LPIN1: variants seen among roughly 807,000 people sequenced by gnomAD.
LPIN1 encodes the protein lipin 1.
LPIN1 carries 71 observed loss-of-function variants against 107.5 expected under a neutral mutation model. That is an observed-to-expected ratio of 0.66 (90% CI 0.55 to 0.80). The LOEUF (loss-of-function observed/expected upper bound fraction) is 0.80, where lower values mean the gene tolerates loss of function less well. Among genes scored for constraint, LPIN1 ranks in the 30% least tolerant of loss-of-function variants. LPIN1 has a pLI of 0.00. For synonymous variants in LPIN1, 445 were observed against 452.6 expected (o/e 0.98, Z 0.21); for missense variants, 1,043 against 1,160.6 (o/e 0.90, Z 1.47).
At chr2:11,750,604 A>C (rs1249474129) in intron 1 of LPIN1, among the ~76,000 whole-genome samples, 1 of 152,224 alleles carries the variant, frequency 6.6e-6, no homozygotes, top group African/African-American at 2.4e-5. Flanking sequence ...TGTGCTTTGA[A>C]AAGTACTTTA....
chr2:11,713,380 C>T (rs1369614771), intron 1 of LPIN1, among the ~76,000 whole-genome samples: 2 of 152,204 alleles, frequency 1.3e-5, no homozygotes, highest in Non-Finnish European at 2.9e-5. Context: ...AAGTGATTCT[C>T]CTGCCTCAGC....
At position 11,707,434 on chromosome 2, in the gene LPIN1, C is replaced by T. The variant is rs1663180252; in HGVS notation, c.82-6322C>T. On this transcript the variant is annotated intron_variant, in intron 1 of 21. Coordinates refer to the LPIN1 transcript ENST00000449576. This position sits in a 1 kb window ranked among gnomAD's most constrained non-coding sequence, Gnocchi z 4.2. ...TGAGTCCGGAACCGTGGCCAGACCC[C>T]CTGAGGCCACTGTAGGGCCCTGGAA... Among the ~76,000 whole-genome samples, 1 of 152,192 alleles carries T rather than the reference C, an allele frequency of 6.6e-6. No homozygotes were observed. The highest frequency in any genetic ancestry group is 1.5e-5 in the Non-Finnish European group (1 of 68,028).
chr2:11,747,616 G>A (rs1219639064), intron 1 of LPIN1, among the ~76,000 whole-genome samples: 2 of 152,194 alleles, frequency 1.3e-5, no homozygotes, highest in Non-Finnish European at 2.9e-5. Flanking sequence ...TGGTGGTCTA[G>A]GGGTAGTGAT....
chr2:11,706,815 C>T (rs775079809), intron 1 of LPIN1, among the ~76,000 whole-genome samples: 16 of 152,268 alleles, frequency 1.1e-4, no homozygotes, highest in South Asian at 8.3e-4. Flanking sequence ...TCTGGGGGCT[C>T]ATTAACTAAA....
chr2:11,754,075 C>T (rs911382659), intron 1 of LPIN1, among the ~76,000 whole-genome samples: 2 of 152,186 alleles, frequency 1.3e-5, no homozygotes, highest in African/African-American at 4.8e-5. Flanking sequence ...TCAAGCCCAG[C>T]TGGGGAGCCG....
At chr2:11,721,337 G>A (rs762633397), upstream of LPIN1, among the ~76,000 whole-genome samples, 3 of 150,626 alleles carry the variant, frequency 2.0e-5, no homozygotes, top group Non-Finnish European at 4.4e-5. Context: ...GATGATCTGT[G>A]CCTGTGAAGT....
intron 20 of LPIN1, chr2:11,823,083 C>G (rs1681825836): frequency 1.3e-5 from 2 of 152,250 alleles, no homozygotes; most frequent in Non-Finnish European, 2.9e-5. Flanking sequence ...GCTTGTCATT[C>G]AGAACTGGGA....
At chr2:11,805,243 C>A in intron 17 of LPIN1, 87 bp downstream of exon 17, 2 of 1,075,778 alleles carry the variant, frequency 1.9e-6, no homozygotes, top group Non-Finnish European at 2.9e-6. Context: ...TGTCCCAGCA[C>A]GGGGTGACTT....
Position 11,785,021 on chromosome 2 carries a change from T to C in LPIN1, c.1494T>C (p.Pro498=). 6.2e-7 allele frequency: 1 copy of C among 1,608,920 alleles called. No individual in the cohort carries two copies. The part of the protein sequence containing the change: ...ESTSDGLRDL[P]SIAISLCGGL... ...CCTCGGACGGGCTGAGGGACCTCCC[T>C]TCCATCGCCATCTCCCTCTGCGGGG... is the stretch of plus-strand genomic sequence containing the variant. The change falls in exon 10 of 21, where the codon CCT becomes CCC. Residue 498 remains proline (P), a synonymous_variant. Transcript: ENST00000674199.
intron 1 of LPIN1, among the ~76,000 whole-genome samples, chr2:11,709,588 C>T (rs981860369): frequency 6.6e-6 from 1 of 152,210 alleles, no homozygotes; most frequent in African/African-American, 2.4e-5. Context: ...GAGTTATATG[C>T]TGCCATTGTT....
chr2:11,820,466 A>G lies in LPIN1; in HGVS notation c.2573A>G (p.Asn858Ser). The G allele has an allele frequency of 1.2e-6, 2 of 1,613,864 alleles. No homozygotes were observed. The highest frequency in any genetic ancestry group is 1.7e-6 in the Non-Finnish European group (2 of 1,179,724). ...GVSLNRIFTV[N>S]PKGELVQEHA... ...TCTTTGAATAGAATATTTACCGTCA[A>G]CCCTAAAGGAGAGCTGGTACAGGAA... Residue 858 changes from asparagine (N) to serine (S), a missense_variant, in exon 20 of 21, where the codon AAC (asparagine) becomes AGC (serine). Physicochemically the swap from Asn to Ser is conservative, Grantham distance 46. Coordinates refer to ENST00000674199, the MANE Select transcript of LPIN1 (RefSeq NM_001349206.2).
At chr2:11,789,761 G>A (rs934536188) in intron 12 of LPIN1, among the ~76,000 whole-genome samples, 4 of 144,808 alleles carry the variant, frequency 2.8e-5, no homozygotes, top group Admixed American at 6.9e-5. Flanking sequence ...TTACAAATCC[G>A]TAAGAAAAAA....
chr2:11,742,318 T>C (rs920609058), upstream of LPIN1, among the ~76,000 whole-genome samples: 57 of 152,188 alleles, frequency 3.7e-4, no homozygotes, highest in African/African-American at 1.4e-3. Flanking sequence ...GACCCATTGT[T>C]TGCCTCTCTG....
intron 1 of LPIN1, among the ~76,000 whole-genome samples, chr2:11,699,535 C>T (rs116420413): frequency 0.03 from 4,607 of 152,170 alleles, 114 homozygotes; most frequent in Middle Eastern, 0.099. Context: ...GAGCACCTTT[C>T]CTTCTCGGTA....
Position 11,762,436 on chromosome 2 carries a change from G to A in LPIN1, c.-9-3097G>A, listed in dbSNP as rs1669993349. On this transcript the variant is annotated intron_variant, in intron 1 of 20. Transcript: ENST00000674199. Reference sequence around the variant, plus strand: ...TCTCCCTCCCTGGAGGTTGGGGGTGGGGTGGTGGGTGGGTGGGGAGTGGCT... The same window carrying A: ...TCTCCCTCCCTGGAGGTTGGGGGTGAGGTGGTGGGTGGGTGGGGAGTGGCT... Among the ~76,000 whole-genome samples, 3 of 151,832 alleles carry A rather than the reference G, an allele frequency of 2.0e-5. No individual in the cohort carries two copies. The South Asian group carries it at 6.3e-4, about 32-fold the overall frequency.
intron 2 of LPIN1, among the ~76,000 whole-genome samples, chr2:11,714,666 C>T (rs564172692): frequency 4.6e-5 from 7 of 152,246 alleles, no homozygotes; most frequent in African/African-American, 1.4e-4. Flanking sequence ...CTGGAGGCAG[C>T]GTGTGTGGAT....
Position 11,804,610 on chromosome 2 carries a change from T to C in LPIN1, c.2162+39T>C, listed in dbSNP as rs75389218. The C allele has an allele frequency of 2.4e-3, 3,846 of 1,601,656 alleles. 66 individuals are homozygous for C. The African/African-American group carries it at 0.047, about 19-fold the overall frequency. ...ACTTGGGGCCCATGGTAGATTTCTT[T>C]GCTTCACCGTGGGGGTCTCTGGGCC... On this transcript the variant is annotated intron_variant, in intron 16 of 20. Transcript: ENST00000674199.
chr2:11,677,846 G>C (rs959411978), intron 1 of LPIN1: 7 of 885,180 alleles, frequency 7.9e-6, no homozygotes, highest in Non-Finnish European at 1.2e-5. Flanking sequence ...CGCCTTGTTC[G>C]GGATGGGTTT....
At chr2:11,801,723 T>A (rs1677774414) in intron 14 of LPIN1, among the ~76,000 whole-genome samples, 1 of 152,168 alleles carries the variant, frequency 6.6e-6, no homozygotes, top group Admixed American at 6.5e-5. Flanking sequence ...CGGCAATTTA[T>A]TATAAATTTC....
Sources: gnomAD v4.1 joint callset for allele counts (sites outside exome capture counted in the v4.1 genomes callset) on GRCh38, gnomAD v4.1.1 for gene constraint, Gnocchi (gnomAD v3.1) non-coding constraint, MANE v1.5 for transcripts, NCBI Gene and HGNC (gene_info 2026-07-23, HGNC 2026-07-21) for gene names.